The following SRPK2 variants were observed in gnomAD, a reference collection of about 807,000 sequenced individuals.
SRPK2 encodes the protein SFRS protein kinase 2.
Under a neutral mutation model 90.8 loss-of-function variants are expected in SRPK2, and 21 were observed. The observed-to-expected ratio is 0.23, with a 90% CI of 0.16 to 0.33. The LOEUF (loss-of-function observed/expected upper bound fraction) is 0.33, where lower values mean the gene tolerates loss of function less well. Among genes scored for constraint, SRPK2 ranks in the 10% least tolerant of loss-of-function variants. The pLI is 1.00. For missense variants in SRPK2, 620 were observed against 869.0 expected (o/e 0.71, Z 3.60); for synonymous variants, 288 against 311.1 (o/e 0.93, Z 0.78).
At chr7:105,232,417 C>A (rs1356244741) in intron 2 of SRPK2, among the ~76,000 whole-genome samples, 2 of 149,776 alleles carry the variant, frequency 1.3e-5, no homozygotes, top group Non-Finnish European at 2.9e-5. Context: ...CGAGATCGCG[C>A]CATTGCACTC....
At chr7:105,301,532 A>T in intron 2 of SRPK2, 1 of 1,513,920 alleles carries the variant, frequency 6.6e-7, no homozygotes, top group Non-Finnish European at 9.2e-7. Context: ...AGTGCCAACG[A>T]GGACCAGGAG....
At chr7:105,176,886 C>CG (rs1179688544) in intron 3 of SRPK2, among the ~76,000 whole-genome samples, 1 of 152,034 alleles carries the variant, frequency 6.6e-6, no homozygotes, top group Non-Finnish European at 1.5e-5. Context: ...CCGCCTGCCC[C>CG]GGCCTCCCAA....
chr7:105,386,064 C>T (rs1054559002), intron 2 of SRPK2, among the ~76,000 whole-genome samples: 10 of 152,144 alleles, frequency 6.6e-5, no homozygotes, highest in African/African-American at 2.4e-4. Flanking sequence ...CCTGTAATCC[C>T]AGCACTTTAG....
At chr7:105,216,715 C>T (rs1278095586) in intron 2 of SRPK2, among the ~76,000 whole-genome samples, 1 of 151,332 alleles carries the variant, frequency 6.6e-6, no homozygotes, top group East Asian at 1.9e-4. Flanking sequence ...ATAACTGTTA[C>T]AGTCATGGTA....
intron 9 of SRPK2, 122 bp downstream of exon 9, chr7:105,145,161 T>C: frequency 1.7e-6 from 1 of 584,650 alleles, no homozygotes; most frequent in South Asian, 4.5e-5. Context: ...TATTTGAGGA[T>C]ACACAGCTTT....
At chr7:105,269,132 G>A in intron 2 of SRPK2, 4 of 1,073,200 alleles carry the variant, frequency 3.7e-6, no homozygotes, top group Non-Finnish European at 4.6e-6. Context: ...CTTTTTTAAG[G>A]TAGAACTAGC....
chr7:105,206,052 G>A, intron 2 of SRPK2: 1 of 516,722 alleles, frequency 1.9e-6, no homozygotes. Flanking sequence ...TCTTGGACTG[G>A]ATAATTCATT....
At chr7:105,223,594 A>G (rs1798362039) in intron 2 of SRPK2, among the ~76,000 whole-genome samples, 1 of 152,190 alleles carries the variant, frequency 6.6e-6, no homozygotes, top group African/African-American at 2.4e-5. Context: ...TCTCAACTAT[A>G]GCACCTCCCG....
intron 2 of SRPK2, among the ~76,000 whole-genome samples, chr7:105,320,682 G>T (rs1812836897): frequency 6.6e-6 from 1 of 152,102 alleles, no homozygotes; most frequent in Non-Finnish European, 1.5e-5. Flanking sequence ...ACCAAACTGT[G>T]GCCAAAGACC....
chr7:105,240,537 C>T (rs901815246), intron 2 of SRPK2, among the ~76,000 whole-genome samples: 6 of 151,672 alleles, frequency 4.0e-5, no homozygotes, highest in Non-Finnish European at 7.4e-5. Context: ...ATTATGTTTT[C>T]TACATATAAA....
chr7:105,309,757 A>C (rs1291520054), intron 2 of SRPK2, among the ~76,000 whole-genome samples: 3 of 152,232 alleles, frequency 2.0e-5, no homozygotes, highest in Admixed American at 6.5e-5. Context: ...CATCTACAGA[A>C]GTGATCCAGC....
At chr7:105,206,053 A>AT in intron 2 of SRPK2, 1 of 516,794 alleles carries the variant, frequency 1.9e-6, no homozygotes, top group Admixed American at 1.9e-5. Flanking sequence ...CTTGGACTGG[A>AT]TAATTCATTG....
chr7:105,341,666 T>C (rs1277990130), intron 2 of SRPK2, among the ~76,000 whole-genome samples: 1 of 151,518 alleles, frequency 6.6e-6, no homozygotes, highest in South Asian at 2.1e-4. Context: ...AGCAATTCTG[T>C]CTCAAAAATA....
At chr7:105,276,455 C>A (rs977080371) in intron 2 of SRPK2, among the ~76,000 whole-genome samples, 4 of 151,746 alleles carry the variant, frequency 2.6e-5, no homozygotes, top group Non-Finnish European at 5.9e-5. Context: ...CAAACAAATG[C>A]AGCTGGTCAA....
chr7:105,326,480 T>C (rs1481371453), intron 2 of SRPK2, among the ~76,000 whole-genome samples: 2 of 152,324 alleles, frequency 1.3e-5, no homozygotes, highest in Admixed American at 1.3e-4. Flanking sequence ...CTCAGAGAAG[T>C]GCACTGATTT....
intron 2 of SRPK2, among the ~76,000 whole-genome samples, chr7:105,280,842 G>GA (rs1807198924): frequency 6.8e-6 from 1 of 148,098 alleles, no homozygotes. Flanking sequence ...AGCTACTCAG[G>GA]AGGCTGACGC....
intron 3 of SRPK2, among the ~76,000 whole-genome samples, chr7:105,171,808 A>T (rs1231157655): frequency 2.0e-5 from 3 of 152,246 alleles, no homozygotes; most frequent in Non-Finnish European, 2.9e-5. Flanking sequence ...AAATGTAGCA[A>T]ATTATTAAAT....
chr7:105,214,541 A>G (rs1336030661), intron 2 of SRPK2, among the ~76,000 whole-genome samples: 1 of 152,238 alleles, frequency 6.6e-6, no homozygotes, highest in Non-Finnish European at 1.5e-5. Context: ...GAAACTTGTT[A>G]ATAACATTAT....
intron 2 of SRPK2, among the ~76,000 whole-genome samples, chr7:105,250,896 C>G (rs1440693871): frequency 6.6e-6 from 1 of 152,094 alleles, no homozygotes; most frequent in Non-Finnish European, 1.5e-5. Context: ...TCTGGGGAGG[C>G]AAGGGATAAT....
Sources: gnomAD v4.1 joint callset for allele counts (sites outside exome capture counted in the v4.1 genomes callset) on GRCh38, gnomAD v4.1.1 for gene constraint, MANE v1.5 for transcripts, NCBI Gene and HGNC (gene_info 2026-07-23, HGNC 2026-07-21) for gene names.